The following ENG variants were observed in gnomAD, a reference collection of about 807,000 sequenced individuals.
ENG encodes CD105 antigen.
Under a neutral mutation model 71.0 loss-of-function variants are expected in ENG, and 17 were observed. The ratio of observed to expected loss-of-function variants is 0.24; its 90% CI spans 0.16 to 0.36. ENG has a LOEUF of 0.36. Among genes scored for constraint, ENG ranks in the 10% least tolerant of loss-of-function variants. The pLI is 1.00. For missense variants in ENG, 749 were observed against 868.3 expected, an observed-to-expected ratio of 0.86 and a Z score of 1.73; for synonymous variants, 360 against 366.9, an observed-to-expected ratio of 0.98 and a Z score of 0.21.
At chr9:127,842,026 G>A (rs1038973058) in intron 2 of ENG, among the ~76,000 whole-genome samples, 1 of 152,126 alleles carries the variant, frequency 6.6e-6, no homozygotes, top group Non-Finnish European at 1.5e-5. Flanking sequence ...AGCACATAGC[G>A]CTTAACAAAG....
chr9:127,822,270 AAAAC>A (rs1830486231), intron 8 of ENG: 1 of 152,212 alleles, frequency 6.6e-6, no homozygotes, highest in Non-Finnish European at 1.5e-5. Context: ...AATTACAACT[AAAAC>A]AAGAATGGAA....
At chr9:127,830,076 T>G (rs544088912) in intron 2 of ENG, among the ~76,000 whole-genome samples, 2 of 152,178 alleles carry the variant, frequency 1.3e-5, no homozygotes, top group South Asian at 4.2e-4. Flanking sequence ...GCACGGTGGC[T>G]CACGTCTGTA....
At chr9:127,845,634 A>G (rs1002335906) in intron 1 of ENG, among the ~76,000 whole-genome samples, 1 of 152,246 alleles carries the variant, frequency 6.6e-6, no homozygotes, top group Non-Finnish European at 1.5e-5. Flanking sequence ...AAATGACAAC[A>G]GAGCCCACAT....
At chr9:127,844,912 AGCCGAGAAGGCG>A (rs1333271884) in intron 1 of ENG, among the ~76,000 whole-genome samples, 1 of 152,196 alleles carries the variant, frequency 6.6e-6, no homozygotes, top group Admixed American at 6.5e-5. Flanking sequence ...GGACAGGGCG[AGCCGAGAAGGCG>A]GCCCAGGTTT....
intron 7 of ENG, 125 bp downstream of exon 7, chr9:127,824,675 A>C: frequency 8.3e-7 from 1 of 1,199,684 alleles, no homozygotes; most frequent in Non-Finnish European, 1.1e-6. Context: ...TGTGCAGATG[A>C]GAAAAATGAG....
At chr9:127,853,828 G>A (rs1829087685) in intron 1 of ENG, among the ~76,000 whole-genome samples, 1 of 152,192 alleles carries the variant, frequency 6.6e-6, no homozygotes, top group Admixed American at 6.5e-5. Context: ...TCGCTCAGAG[G>A]CCCGAAGGCA....
At chr9:127,841,375 G>A (rs529948680) in intron 2 of ENG, among the ~76,000 whole-genome samples, 1 of 152,134 alleles carries the variant, frequency 6.6e-6, no homozygotes, top group African/African-American at 2.4e-5. Context: ...GCCCAGTATT[G>A]AGCAATTAGG....
Position 127,838,030 on chromosome 9 carries a change from G to A in ENG, c.219+5064C>T, listed in dbSNP as rs1830945690. ...TTCTCCTTCTCATCACTGTGGTTCT[G>A]ACAGCCAGCAAGGGTGCTCATGTGT... On this transcript the variant is annotated intron_variant, in intron 2 of 14. Transcript: ENST00000373203. The surrounding 1 kb of genome is among the most constrained non-coding windows in gnomAD (Gnocchi z 4.3). Among the ~76,000 whole-genome samples the A allele has an allele frequency of 6.6e-6, 1 of 152,084 alleles. No individual in the cohort carries two copies. The highest frequency in any genetic ancestry group is 1.5e-5 in the Non-Finnish European group (1 of 68,022).
intron 2 of ENG, among the ~76,000 whole-genome samples, chr9:127,834,770 C>CT (rs1830857017): frequency 6.7e-6 from 1 of 149,686 alleles, no homozygotes; most frequent in Non-Finnish European, 1.5e-5. Context: ...ATCTCTTGAC[C>CT]TGTGATCTGC....
rs970220604 is a variant in ENG, at chr9:127,816,616, G to A, written c.1741+533C>T. 11 of 243,358 alleles carry A rather than the reference G, an allele frequency of 4.5e-5. 1 individual carries two copies. In the East Asian group the frequency reaches 1.0e-3, roughly 22 times the overall value. 15.1% of individuals were successfully genotyped at this position (243,358 alleles called of 1,614,324 possible). ...GCCCTGCCTTCTTGGTCCTGGGCTG[G>A]GAGTGGAGGCTCCATCCTGGCCTGG... is the stretch of plus-strand genomic sequence containing the variant. On this transcript the variant is annotated intron_variant, in intron 13 of 14. Coordinates refer to ENST00000373203, the MANE Select transcript of ENG (RefSeq NM_001114753.3).
chr9:127,841,830 C>G (rs948683060), intron 2 of ENG, among the ~76,000 whole-genome samples: 2 of 152,222 alleles, frequency 1.3e-5, no homozygotes, highest in Non-Finnish European at 2.9e-5. Context: ...CAGGCTGGCT[C>G]TGGCATCCCC....
At position 127,817,406 on chromosome 9, in the gene ENG, A is replaced by C. The variant is rs531433730; in HGVS notation, c.1687-203T>G. On this transcript the variant is annotated intron_variant, in intron 12 of 14. Transcript: ENST00000373203. ...AGTGGACGATCCCTGGCTGCTGCTGAAATGTTTCCTGTGAGTTCCTGGAGG... is the reference window on the plus strand; with the variant it reads ...AGTGGACGATCCCTGGCTGCTGCTGCAATGTTTCCTGTGAGTTCCTGGAGG... 4.7e-6 allele frequency: 3 copies of C among 639,688 alleles called. No homozygotes were observed. The East Asian group carries it at 8.4e-5, about 18-fold the overall frequency. 39.6% of individuals were successfully genotyped at this position (639,688 alleles called of 1,614,324 possible). A position where few individuals can be genotyped will look rare whatever the true frequency, so the allele number is the denominator to read the frequency against.
Position 127,819,418 on chromosome 9 carries a change from T to C in ENG, c.1311+204A>G, listed in dbSNP as rs190001301. ...TGCCCAAGGCCACACAGCCAGTATG[T>C]GCTAAGCCCTCTGACTTGAGAGACC... On this transcript the variant is annotated intron_variant, in intron 10 of 14. Coordinates refer to ENST00000373203, the MANE Select transcript of ENG (RefSeq NM_001114753.3). 7.0e-4 allele frequency: 459 copies of C among 658,574 alleles called. 3 individuals carry two copies. The African/African-American group carries it at 7.3e-3, about 11-fold the overall frequency. The allele number at this position is 658,574 out of a possible 1,614,324, so 40.8% of individuals were successfully genotyped here.
chr9:127,845,711 A>G (rs1401032544), intron 1 of ENG, among the ~76,000 whole-genome samples: 2 of 152,148 alleles, frequency 1.3e-5, no homozygotes, highest in East Asian at 1.9e-4. Context: ...TTAAATTTCT[A>G]TTTGTTTATT....
intron 2 of ENG, among the ~76,000 whole-genome samples, chr9:127,832,008 T>G (rs973057040): frequency 6.7e-6 from 1 of 149,488 alleles, no homozygotes; most frequent in Non-Finnish European, 1.5e-5. Context: ...CCTCCTAGGC[T>G]CAAGCAATCC....
In ENG at chr9:127,825,329, G is replaced by C. The variant is rs756303592; in HGVS notation, c.718C>G (p.Leu240Val). Residue 240 changes from leucine (L) to valine (V), a missense_variant, in exon 6 of 15, where the codon CTG (leucine) becomes GTG (valine). Physicochemically the swap from Leu to Val is conservative, Grantham distance 32. Coordinates refer to ENST00000373203, the MANE Select transcript of ENG (RefSeq NM_001114753.3). ...GPRTVTVKVELSCAPGDLDAV... is the reference protein window; with the variant it reads ...GPRTVTVKVEVSCAPGDLDAV... ...TCGAGATCCCCGGGTGCGCAGCTCA[G>C]TTCCACCTTCACCGTCACCGTCCGG... 6.2e-7 allele frequency: 1 copy of C among 1,610,940 alleles called. No individual in the cohort carries two copies. The highest frequency in any genetic ancestry group is 1.1e-5 in the South Asian group (1 of 90,892).
intron 2 of ENG, among the ~76,000 whole-genome samples, chr9:127,840,296 C>T (rs927230804): frequency 3.9e-5 from 6 of 152,212 alleles, no homozygotes; most frequent in Non-Finnish European, 7.3e-5. Flanking sequence ...TTCACTCACA[C>T]GTTCAAGAGT....
chr9:127,828,607 C>G (rs962122895), intron 3 of ENG, among the ~76,000 whole-genome samples: 1 of 152,194 alleles, frequency 6.6e-6, no homozygotes, highest in African/African-American at 2.4e-5. Context: ...GGCCACGCCC[C>G]CTCTGGGACC....
At chr9:127,831,067 C>T (rs886408159) in intron 2 of ENG, among the ~76,000 whole-genome samples, 19 of 152,178 alleles carry the variant, frequency 1.2e-4, no homozygotes, top group Non-Finnish European at 2.6e-4. Context: ...CTACCTACCA[C>T]GTAAATAGGG....
Sources: gnomAD v4.1 joint callset for allele counts (sites outside exome capture counted in the v4.1 genomes callset) on GRCh38, gnomAD v4.1.1 for gene constraint, Gnocchi (gnomAD v3.1) non-coding constraint, MANE v1.5 for transcripts, NCBI Gene and HGNC (gene_info 2026-07-23, HGNC 2026-07-21) for gene names.